Variants in IPPK observed in about 807,000 individuals in gnomAD.
IPPK encodes inositol-pentakisphosphate 2-kinase.
A neutral mutation model predicts 64.6 loss-of-function variants in IPPK; 22 were observed. That is an observed-to-expected ratio of 0.34 (90% confidence interval 0.24 to 0.49). The LOEUF is 0.49. Among genes scored for constraint, IPPK ranks in the 20% least tolerant of loss-of-function variants. The pLI, the probability that IPPK is intolerant of heterozygous loss-of-function variation, is 0.99. For synonymous variants in IPPK, 262 were observed against 247.2 expected (o/e 1.06, Z -0.56); for missense variants, 532 against 630.7 (o/e 0.84, Z 1.68).
chr9:92,619,479 G>A lies in IPPK; in HGVS notation c.1250+7C>T. 6.3e-7 allele frequency: 1 copy of A among 1,579,502 alleles called. No individual in the cohort carries two copies. Among genetic ancestry groups the A allele is most frequent in the Non-Finnish European group, 8.6e-7 (1 of 1,162,124 alleles). On this transcript the variant is annotated splice_region_variant and intron_variant, in intron 12 of 12. Transcript: ENST00000287996. ...CCAGGCTGCATGCCTTGCAGTGGGG[G>A]CCTCACCTGGCATCCTGCAGACAGG...
intron 9 of IPPK, among the ~76,000 whole-genome samples, chr9:92,637,627 A>G (rs1159841332): frequency 6.6e-6 from 1 of 152,164 alleles, no homozygotes; most frequent in Admixed American, 6.5e-5. Context: ...CTGTGCCTCA[A>G]TTCTCTCTGT....
Position 92,640,601 on chromosome 9 carries a change from T to C in IPPK, c.636+109A>G, listed in dbSNP as rs1852027957. Reference sequence around the variant, plus strand: ...CAGGGCATGAGGACCCCAAAGGGGATGTCAGACACACATGACGTGCAGCCC... The same window carrying C: ...CAGGGCATGAGGACCCCAAAGGGGACGTCAGACACACATGACGTGCAGCCC... On this transcript the variant is annotated intron_variant, in intron 8 of 12. Transcript: ENST00000287996. 28 of 783,702 alleles carry C rather than the reference T, an allele frequency of 3.6e-5. No homozygotes were observed. The South Asian group carries it at 4.0e-4, about 11-fold the overall frequency. 48.5% of individuals were successfully genotyped at this position (783,702 alleles called of 1,614,324 possible). A position where few individuals can be genotyped will look rare whatever the true frequency, so the allele number is the denominator to read the frequency against.
chr9:92,633,307 G>A (rs1004788915), intron 11 of IPPK, among the ~76,000 whole-genome samples: 7 of 151,230 alleles, frequency 4.6e-5, no homozygotes, highest in African/African-American at 1.7e-4. Flanking sequence ...CACCACACCC[G>A]GCCCAGGATA....
At position 92,613,303 on chromosome 9, in the gene IPPK, A is replaced by G. The variant is rs1194951762; in HGVS notation, c.*2529T>C. ...CACATTATATGGAAACTCTCATGAC[A>G]TGAAAAATAAATACAACTAGTTAAG... On this transcript the variant is annotated 3_prime_UTR_variant, in exon 13 of 13. Transcript: ENST00000287996. The G allele has an allele frequency of 2.6e-6, 2 of 775,928 alleles. No individual in the cohort carries two copies. Among genetic ancestry groups the G allele is most frequent in the Non-Finnish European group, 4.1e-6 (2 of 488,898 alleles). 48.1% of individuals were successfully genotyped at this position (775,928 alleles called of 1,614,324 possible).
intron 7 of IPPK, among the ~76,000 whole-genome samples, chr9:92,641,471 T>C (rs1175092301): frequency 6.6e-6 from 1 of 152,222 alleles, no homozygotes; most frequent in Non-Finnish European, 1.5e-5. Context: ...CCTACTTATG[T>C]TCTGACACGT....
At chr9:92,624,512 C>T (rs1173599745) in intron 11 of IPPK, among the ~76,000 whole-genome samples, 1 of 151,962 alleles carries the variant, frequency 6.6e-6, no homozygotes, top group East Asian at 1.9e-4. Context: ...GCCTGTGCTT[C>T]CCAGCTACCT....
chr9:92,624,573 G>C (rs1223843149), intron 11 of IPPK, among the ~76,000 whole-genome samples: 3 of 152,182 alleles, frequency 2.0e-5, no homozygotes, highest in Non-Finnish European at 4.4e-5. Flanking sequence ...GGTCAAGGCT[G>C]CAGTGAGCCA....
rs1851414173 is a variant in IPPK at position 92,615,910 on chromosome 9, TAC to T, written c.1396_1397del (p.Val466ThrfsTer34). 1 of 1,614,226 alleles carries T rather than the reference TAC, an allele frequency of 6.2e-7. No individual in the cohort carries two copies. The highest frequency in any genetic ancestry group is 8.5e-7 in the Non-Finnish European group (1 of 1,180,042). ...GKIVNYYSKT[V>X]RAKDNAVMST... ...ACATCACGGCGTTGTCTTTGGCACG[TAC>T]AGTCTTTGAATAATAGTTGACGATC... On this transcript the variant is annotated frameshift_variant, in exon 13 of 13. Transcript: ENST00000287996. LOFTEE classifies it high-confidence loss of function.
chr9:92,638,988 T>G (rs1391438103), intron 8 of IPPK, among the ~76,000 whole-genome samples: 1 of 152,232 alleles, frequency 6.6e-6, no homozygotes, highest in African/African-American at 2.4e-5. Context: ...GAAAGGCCCC[T>G]GACAGCGGCC....
In IPPK at chr9:92,638,207, A is replaced by G; in HGVS notation, c.710T>C (p.Leu237Pro). 1 of 1,614,242 alleles carries G rather than the reference A, an allele frequency of 6.2e-7. No individual in the cohort carries two copies. The highest frequency in any genetic ancestry group is 8.5e-7 in the Non-Finnish European group (1 of 1,180,028). ...GTTGGAAGGGAAGAAGAACGGCTTC[A>G]GGTGGTGTGCAAGCTCGCTCCAGTC... ...VADWSELAHHLKPFFFPSNGL... is the reference protein window; with the variant it reads ...VADWSELAHHPKPFFFPSNGL... Residue 237 changes from leucine (L) to proline (P), a missense_variant, in exon 9 of 13, where the codon CTG (leucine) becomes CCG (proline). By Grantham distance (98) the Leu-to-Pro change is moderately conservative (BLOSUM62 -3). Coordinates refer to ENST00000287996, the MANE Select transcript of IPPK (RefSeq NM_022755.6).
chr9:92,644,181 A>T (rs941116864), intron 6 of IPPK, among the ~76,000 whole-genome samples: 11 of 151,598 alleles, frequency 7.3e-5, no homozygotes, highest in African/African-American at 2.7e-4. Flanking sequence ...AAAACTGGTT[A>T]AAAAAAAATG....
chr9:92,620,322 T>A, intron 11 of IPPK: 1 of 152,342 alleles, frequency 6.6e-6, no homozygotes, highest in Non-Finnish European at 1.5e-5. Context: ...AGAGTCGACA[T>A]ACGTAAAGCT....
At chr9:92,636,261 A>C (rs1478712340) in intron 9 of IPPK, among the ~76,000 whole-genome samples, 1 of 152,244 alleles carries the variant, frequency 6.6e-6, no homozygotes. Flanking sequence ...CATGCAGGGA[A>C]ACAGGAGTAA....
At chr9:92,653,371 G>A (rs985991104) in intron 3 of IPPK, among the ~76,000 whole-genome samples, 19 of 151,896 alleles carry the variant, frequency 1.3e-4, no homozygotes, top group Non-Finnish European at 2.4e-4. Context: ...CCCACCCTGC[G>A]CCGTCACATC....
intron 11 of IPPK, among the ~76,000 whole-genome samples, chr9:92,626,781 G>C (rs1851740926): frequency 6.6e-6 from 1 of 151,960 alleles, no homozygotes; most frequent in Non-Finnish European, 1.5e-5. Flanking sequence ...AATGTCAAAA[G>C]GACAAGAAAG....
chr9:92,617,441 T>C (rs1301392854), intron 12 of IPPK: 6 of 152,478 alleles, frequency 3.9e-5, no homozygotes, highest in Non-Finnish European at 8.8e-5. Flanking sequence ...GCTAGCTCCA[T>C]GGGAACCAAT....
chr9:92,629,517 C>T (rs557120158), intron 11 of IPPK, among the ~76,000 whole-genome samples: 4 of 151,808 alleles, frequency 2.6e-5, no homozygotes, highest in South Asian at 2.1e-4. Flanking sequence ...TTTGGGAGGC[C>T]GAGGTGGGTG....
At chr9:92,637,196 C>G (rs1486819661) in intron 9 of IPPK, among the ~76,000 whole-genome samples, 3 of 152,110 alleles carry the variant, frequency 2.0e-5, no homozygotes, top group Admixed American at 2.0e-4. Context: ...CGCACCTGTA[C>G]TCAGGAGGCT....
chr9:92,640,989 C>CCA (rs886171995), intron 7 of IPPK, among the ~76,000 whole-genome samples: 2 of 152,186 alleles, frequency 1.3e-5, no homozygotes, highest in African/African-American at 2.4e-5. Flanking sequence ...AGATGCAGCT[C>CCA]CACAGCCTGA....
Sources: gnomAD v4.1 joint callset for allele counts (sites outside exome capture counted in the v4.1 genomes callset) on GRCh38, gnomAD v4.1.1 for gene constraint, MANE v1.5 for transcripts, NCBI Gene and HGNC (gene_info 2026-07-23, HGNC 2026-07-21) for gene names.